SRGAP1: variants seen among roughly 807,000 people sequenced by gnomAD.
The protein encoded by SRGAP1 is SLIT-ROBO Rho GTPase activating protein 1.
SRGAP1 carries 43 observed loss-of-function variants against 121.9 expected under a neutral mutation model. That is an observed-to-expected ratio of 0.35 (90% CI 0.28 to 0.46). The LOEUF (loss-of-function observed/expected upper bound fraction) is 0.46, where lower values mean the gene tolerates loss of function less well. Ranked by LOEUF, SRGAP1 falls within the 20% of genes least tolerant of loss-of-function variation. The pLI, the probability that SRGAP1 is intolerant of heterozygous loss-of-function variation, is 1.00. For missense variants in SRGAP1, 1,102 were observed against 1,350.9 expected, an observed-to-expected ratio of 0.82 and a Z score of 2.89; for synonymous variants, 447 against 485.4, an observed-to-expected ratio of 0.92 and a Z score of 1.04.
chr12:63,856,676 A>G (rs755370771), intron 1 of SRGAP1, among the ~76,000 whole-genome samples: 2 of 152,182 alleles, frequency 1.3e-5, no homozygotes, highest in Non-Finnish European at 2.9e-5. Context: ...ACCAATACCA[A>G]TCACACTATC....
At chr12:63,965,708 A>G (rs1177805738) in intron 1 of SRGAP1, among the ~76,000 whole-genome samples, 2 of 152,240 alleles carry the variant, frequency 1.3e-5, no homozygotes, top group South Asian at 2.1e-4. Flanking sequence ...TAATTGTACT[A>G]TGTTAACATA....
At chr12:63,975,866 A>G (rs2033078560) in intron 1 of SRGAP1, among the ~76,000 whole-genome samples, 1 of 152,234 alleles carries the variant, frequency 6.6e-6, no homozygotes, top group African/African-American at 2.4e-5. Context: ...TATGGATACC[A>G]TTCATTCTTG....
intron 1 of SRGAP1, among the ~76,000 whole-genome samples, chr12:63,891,699 T>A (rs1900585695): frequency 6.6e-6 from 1 of 151,872 alleles, no homozygotes; most frequent in South Asian, 2.1e-4. Flanking sequence ...TTGAAAAAAA[T>A]TATGCAGCCA....
Position 64,043,469 on chromosome 12 carries a change from A to G in SRGAP1, c.695A>G (p.Asn232Ser). 6.2e-7 allele frequency: 1 copy of G among 1,610,836 alleles called. No homozygotes were observed. Among genetic ancestry groups the G allele is most frequent in the Non-Finnish European group, 8.5e-7 (1 of 1,179,132 alleles). Residue 232 changes from asparagine to serine, a missense_variant, in exon 6 of 22, where the codon AAT becomes AGT. Transcript: ENST00000355086. Reference sequence around the variant, plus strand: ...CAGAGACAAGCAAAATATTCAGAAAATAAGCTAAAATCAATTAAGGCACGG... The same window carrying G: ...CAGAGACAAGCAAAATATTCAGAAAGTAAGCTAAAATCAATTAAGGCACGG... ...KEKRQAKYSE[N>S]KLKSIKARNE...
chr12:64,068,323 C>G (rs1294673533), intron 8 of SRGAP1, among the ~76,000 whole-genome samples: 1 of 151,066 alleles, frequency 6.6e-6, no homozygotes, highest in Non-Finnish European at 1.5e-5. Flanking sequence ...GCAACAGACC[C>G]TATCTGGCCC....
chr12:64,139,063 A>G (rs1167652968), intron 21 of SRGAP1, among the ~76,000 whole-genome samples: 1 of 152,266 alleles, frequency 6.6e-6, no homozygotes, highest in East Asian at 1.9e-4. Context: ...ATTTTCACCT[A>G]TATAAATGTC....
intron 3 of SRGAP1, among the ~76,000 whole-genome samples, chr12:64,015,422 A>G (rs1456136300): frequency 2.6e-5 from 4 of 152,164 alleles, no homozygotes; most frequent in Admixed American, 6.5e-5. Flanking sequence ...CAAGACACAA[A>G]ATCCTTAACT....
intron 6 of SRGAP1, 69 bp from the exon 7 acceptor site, chr12:64,062,844 TGTAG>T: frequency 8.8e-7 from 1 of 1,134,674 alleles, no homozygotes; most frequent in Non-Finnish European, 1.3e-6. Context: ...GTTTTATAGC[TGTAG>T]GTCTCACATT....
At chr12:63,986,914 G>A (rs2033434584) in intron 2 of SRGAP1, among the ~76,000 whole-genome samples, 1 of 152,110 alleles carries the variant, frequency 6.6e-6, no homozygotes, top group African/African-American at 2.4e-5. Context: ...ATTTGAGTAA[G>A]TTTATTATTG....
intron 8 of SRGAP1, among the ~76,000 whole-genome samples, chr12:64,072,100 ATCTC>A (rs796532210): frequency 9.9e-5 from 6 of 60,558 alleles, no homozygotes; most frequent in African/African-American, 2.4e-4. Flanking sequence ...AGTTGACCCA[ATCTC>A]TCTCTGTGTG....
chr12:64,075,372 A>G (rs1412718059), intron 8 of SRGAP1, among the ~76,000 whole-genome samples: 1 of 152,230 alleles, frequency 6.6e-6, no homozygotes, highest in Non-Finnish European at 1.5e-5. Context: ...TGGGCGGGCC[A>G]GGTGTTCCTT....
chr12:64,108,523 T>C (rs932101468), intron 15 of SRGAP1, among the ~76,000 whole-genome samples: 4 of 152,240 alleles, frequency 2.6e-5, no homozygotes, highest in Non-Finnish European at 5.9e-5. Context: ...GCCTGGATCA[T>C]AATTATAGAC....
chr12:63,886,535 C>T (rs1420280928), intron 1 of SRGAP1, among the ~76,000 whole-genome samples: 1 of 151,926 alleles, frequency 6.6e-6, no homozygotes, highest in Non-Finnish European at 1.5e-5. Context: ...AGGCTGGAGT[C>T]CAGGCACAAT....
At chr12:64,099,779 T>C (rs1425069314) in intron 15 of SRGAP1, among the ~76,000 whole-genome samples, 1 of 152,232 alleles carries the variant, frequency 6.6e-6, no homozygotes, top group Non-Finnish European at 1.5e-5. Context: ...AGTGGTTTTC[T>C]AGGTCCATAC....
chr12:63,988,864 G>A (rs950895561), intron 2 of SRGAP1, among the ~76,000 whole-genome samples: 5 of 152,192 alleles, frequency 3.3e-5, no homozygotes, highest in African/African-American at 1.2e-4. Context: ...AGGCTGGAGT[G>A]CAGTGGCACA....
At chr12:63,948,935 A>ATG (rs2032157184) in intron 1 of SRGAP1, among the ~76,000 whole-genome samples, 2 of 81,542 alleles carry the variant, frequency 2.5e-5, no homozygotes, top group Non-Finnish European at 5.1e-5. Context: ...TTCCATATAT[A>ATG]TATTTTCCAT....
rs996015103 is a variant in SRGAP1 at position 64,007,947 on chromosome 12, CTG to C, written c.427-9001_427-9000del. On this transcript the variant is annotated intron_variant, in intron 3 of 21. Transcript: ENST00000355086. ...TGATTTGAAAGTTTATATGAATAGA[CTG>C]TTGCATTCAAATTTAGAAAAACAAA... 8.5e-5 allele frequency among the ~76,000 whole-genome samples: 13 copies of C among 152,112 alleles called. 1 individual carries two copies. Among genetic ancestry groups the C allele is most frequent in the African/African-American group, 3.1e-4 (13 of 41,388 alleles).
intron 1 of SRGAP1, among the ~76,000 whole-genome samples, chr12:63,914,198 A>G (rs2030679106): frequency 6.6e-6 from 1 of 152,194 alleles, no homozygotes; most frequent in South Asian, 2.1e-4. Context: ...ATCATACTGT[A>G]ATTAACGGTT....
At chr12:63,861,305 T>C (rs369764874) in intron 1 of SRGAP1, among the ~76,000 whole-genome samples, 1 of 145,224 alleles carries the variant, frequency 6.9e-6, no homozygotes, top group Non-Finnish European at 1.5e-5. Flanking sequence ...TATATATATT[T>C]TTTTTTTTTT....
Sources: allele counts gnomAD v4.1 joint callset (sites outside exome capture counted in the v4.1 genomes callset), GRCh38; gene constraint gnomAD v4.1.1; transcripts MANE v1.5; gene names NCBI Gene and HGNC (gene_info 2026-07-23, HGNC 2026-07-21).